The following PDZD2 variants were observed in gnomAD, a reference collection of about 807,000 sequenced individuals.
PDZD2 encodes the protein PDZ domain-containing protein 2.
In PDZD2, 90 loss-of-function variants were observed where a neutral mutation model predicts 220.7. The observed-to-expected ratio is 0.41, with a 90% CI of 0.34 to 0.49. The LOEUF (loss-of-function observed/expected upper bound fraction) is 0.49, where lower values mean the gene tolerates loss of function less well. PDZD2 is among the 20% of genes least tolerant of loss of function. The pLI, the probability that PDZD2 is intolerant of heterozygous loss-of-function variation, is 0.28. For synonymous variants in PDZD2, 1,375 were observed against 1,450.5 expected (o/e 0.95, Z 1.18); for missense variants, 3,174 against 3,608.5 (o/e 0.88, Z 3.08).
chr5:31,837,607 C>T (rs972517587), intron 2 of PDZD2, among the ~76,000 whole-genome samples: 3 of 152,056 alleles, frequency 2.0e-5, no homozygotes, highest in Non-Finnish European at 2.9e-5. Flanking sequence ...GCCTGTAATC[C>T]GAGCTACTCG....
intron 1 of PDZD2, among the ~76,000 whole-genome samples, chr5:31,740,441 C>T (rs528248821): frequency 2.0e-4 from 28 of 140,558 alleles, no homozygotes; most frequent in Admixed American, 1.1e-3. Flanking sequence ...ATGAGAATGG[C>T]GTGAACCCGG....
intron 2 of PDZD2, among the ~76,000 whole-genome samples, chr5:31,858,729 C>T (rs931023715): frequency 3.3e-5 from 5 of 151,442 alleles, no homozygotes; most frequent in African/African-American, 1.2e-4. Context: ...TCCTCCCTTC[C>T]TCTTTATGAG....
Position 32,060,988 on chromosome 5 carries a change from G to T in PDZD2, c.2319-14G>T. On this transcript the variant is annotated splice_polypyrimidine_tract_variant and intron_variant, in intron 13 of 24. Coordinates refer to ENST00000438447, the MANE Select transcript of PDZD2 (RefSeq NM_178140.4). The stretch of plus-strand genomic sequence containing the variant: ...GCTGCTAACACAGAGTGTGGATTCT[G>T]TTGCCCTCCCTAGCCGCGGGGATCA... The T allele has an allele frequency of 6.2e-7, 1 of 1,614,066 alleles. No individual in the cohort carries two copies. Among genetic ancestry groups the T allele is most frequent in the Non-Finnish European group, 8.5e-7 (1 of 1,179,930 alleles).
rs558771306 is a variant in PDZD2, at chr5:32,053,672, A to G, written c.1786-97A>G. On this transcript the variant is annotated intron_variant, in intron 9 of 24. Coordinates refer to ENST00000438447, the MANE Select transcript of PDZD2 (RefSeq NM_178140.4). ...GAGGGCACTTCAGTTAAATACTACA[A>G]TGGGACAGATGCCTTCAGTTAAATA... 5.3e-6 allele frequency: 4 copies of G among 760,270 alleles called. No homozygotes were observed. In the East Asian group the frequency reaches 7.4e-5, roughly 14 times the overall value. The allele number at this position is 760,270 out of a possible 1,614,324, so 47.1% of individuals were successfully genotyped here. A position where few individuals can be genotyped will look rare whatever the true frequency, so the allele number is the denominator to read the frequency against.
intron 1 of PDZD2, among the ~76,000 whole-genome samples, chr5:31,713,183 G>A (rs1748231504): frequency 6.6e-6 from 1 of 152,168 alleles, no homozygotes. Flanking sequence ...AGGGAGACAG[G>A]TATATTCATT....
rs3101878 is a variant in PDZD2, at chr5:32,087,220, C to A, written c.3772C>A (p.Gln1258Lys). Residue 1258 changes from glutamine to lysine, a missense_variant, in exon 20 of 25, where the codon CAA becomes AAA. Around this residue, in one of 4 missense-constraint regions of PDZD2, gnomAD observed 1,861 missense variants for 2,001.0 expected, o/e 0.93. Coordinates refer to ENST00000438447, the MANE Select transcript of PDZD2 (RefSeq NM_178140.4). This position sits in a 1 kb window ranked among gnomAD's most constrained non-coding sequence, Gnocchi z 4.0. Reference sequence around the variant, plus strand: ...CAGCAAGACCTCTGTAGACACAGGGCAAGTCAGTCGGCCAGAGAATCCCAG... The same window carrying A: ...CAGCAAGACCTCTGTAGACACAGGGAAAGTCAGTCGGCCAGAGAATCCCAG... Reference protein sequence around the residue: ...DPSKTSVDTGQVSRPENPSQP... With the variant: ...DPSKTSVDTGKVSRPENPSQP... 0.035 allele frequency: 56,242 copies of A among 1,613,632 alleles called. 1,152 individuals are homozygous for A. The highest frequency in any genetic ancestry group is 0.042 in the Non-Finnish European group (49,702 of 1,179,530).
chr5:31,995,204 C>T (rs1751531133), intron 3 of PDZD2, among the ~76,000 whole-genome samples: 1 of 152,200 alleles, frequency 6.6e-6, no homozygotes, highest in Non-Finnish European at 1.5e-5. Context: ...AATCACTTTG[C>T]TATGCTGCCC....
chr5:31,817,130 G>C (rs1755511928), intron 2 of PDZD2, among the ~76,000 whole-genome samples: 1 of 149,476 alleles, frequency 6.7e-6, no homozygotes, highest in East Asian at 2.0e-4. Flanking sequence ...AGCTTGCGGT[G>C]AGCCGAGATC....
intron 2 of PDZD2, among the ~76,000 whole-genome samples, chr5:31,938,546 C>A (rs752266757): frequency 3.3e-5 from 5 of 152,168 alleles, no homozygotes; most frequent in Non-Finnish European, 5.9e-5. Context: ...ACTGGAAGAA[C>A]CCATTGGGGA....
At chr5:31,779,293 A>G (rs970321539) in intron 1 of PDZD2, among the ~76,000 whole-genome samples, 1 of 151,454 alleles carries the variant, frequency 6.6e-6, no homozygotes, top group African/African-American at 2.4e-5. Context: ...AATGACTTCT[A>G]TCACCCCCAA....
chr5:31,981,702 T>C (rs1211682994), intron 2 of PDZD2, among the ~76,000 whole-genome samples: 1 of 152,186 alleles, frequency 6.6e-6, no homozygotes, highest in Non-Finnish European at 1.5e-5. Flanking sequence ...ACACTTTTGC[T>C]TGGGAACGAG....
intron 1 of PDZD2, among the ~76,000 whole-genome samples, chr5:31,656,993 T>C (rs895294369): frequency 2.0e-5 from 3 of 152,226 alleles, no homozygotes; most frequent in African/African-American, 7.2e-5. Context: ...AATGAAGTTC[T>C]TAACATCTTT....
Position 32,077,499 on chromosome 5 carries a change from T to C in PDZD2, c.3575T>C (p.Val1192Ala), listed in dbSNP as rs766568777. Residue 1192 changes from valine to alanine, a missense_variant, in exon 19 of 25, where the codon GTC (valine) becomes GCC (alanine). Transcript: ENST00000438447. ...AAGCTGACCACTGGAGATGCTTGTG[T>C]CTCTACCAGCTGTGAACTAGCCAGT... ...LGKLTTGDACVSTSCELASAL... is the reference protein window; with the variant it reads ...LGKLTTGDACASTSCELASAL... The C allele has an allele frequency of 1.2e-6, 2 of 1,613,998 alleles. No homozygotes were observed. The highest frequency in any genetic ancestry group is 1.1e-5 in the South Asian group (1 of 91,070).
At chr5:32,107,469 A>G (rs74387696) in intron 24 of PDZD2, 3,046 of 152,544 alleles carry the variant, frequency 0.02, 39 homozygotes, top group African/African-American at 0.024. Flanking sequence ...AGGTGAGAGG[A>G]TCGCTTGAGC....
intron 2 of PDZD2, among the ~76,000 whole-genome samples, chr5:31,811,807 C>T (rs1195270393): frequency 4.6e-5 from 7 of 151,788 alleles, no homozygotes; most frequent in Non-Finnish European, 7.4e-5. Flanking sequence ...CTGGCCAACA[C>T]GGTGAAACCC....
chr5:31,747,146 G>A (rs184404569), intron 1 of PDZD2, among the ~76,000 whole-genome samples: 113 of 152,354 alleles, frequency 7.4e-4, no homozygotes, highest in Middle Eastern at 3.4e-3. Context: ...TTGCACTCCA[G>A]CCTGGGTGAC....
chr5:31,814,979 A>T (rs1307073745), intron 2 of PDZD2, among the ~76,000 whole-genome samples: 3 of 151,926 alleles, frequency 2.0e-5, no homozygotes, highest in African/African-American at 7.3e-5. Context: ...GCGGTGGCTC[A>T]TGCCTATAAT....
At chr5:32,048,790 T>C in intron 8 of PDZD2, 106 bp downstream of exon 8, 4 of 1,185,570 alleles carry the variant, frequency 3.4e-6, no homozygotes, top group Non-Finnish European at 3.6e-6. Context: ...AGAAGTGGGA[T>C]AGAGAGAGAC....
intron 5 of PDZD2, among the ~76,000 whole-genome samples, chr5:32,002,382 C>T (rs1275111937): frequency 1.3e-5 from 2 of 152,098 alleles, no homozygotes; most frequent in Non-Finnish European, 2.9e-5. Flanking sequence ...TGCATGTCTT[C>T]ACCCAGAGCG....
Sources: gnomAD v4.1 joint callset for allele counts (sites outside exome capture counted in the v4.1 genomes callset) on GRCh38, gnomAD v4.1.1 for gene constraint, gnomAD v4.1.1 regional missense constraint, Gnocchi (gnomAD v3.1) non-coding constraint, MANE v1.5 for transcripts, NCBI Gene and HGNC (gene_info 2026-07-23, HGNC 2026-07-21) for gene names.